Variants in PRIM2 observed in about 807,000 individuals in gnomAD.
PRIM2 encodes the protein DNA primase subunit 2, also known as DNA primase large subunit.
A neutral mutation model predicts 67.3 loss-of-function variants in PRIM2; 39 were observed. The ratio of observed to expected loss-of-function variants is 0.58; its 90% CI spans 0.45 to 0.76. The LOEUF is 0.76. Ranked by LOEUF, PRIM2 falls within the 30% of genes least tolerant of loss-of-function variation. PRIM2 has a pLI of 0.00. For synonymous variants in PRIM2, 143 were observed against 198.7 expected, an observed-to-expected ratio of 0.72 and a Z score of 2.36; for missense variants, 398 against 598.7, an observed-to-expected ratio of 0.66 and a Z score of 3.50.
chr6:57,314,604 T>G (rs1767445224), upstream of PRIM2, among the ~76,000 whole-genome samples: 4 of 152,172 alleles, frequency 2.6e-5, no homozygotes, highest in Non-Finnish European at 5.9e-5. Context: ...GGCACTGGGG[T>G]CACAGAAATG....
chr6:57,318,248 A>G (rs1232947586), intron 1 of PRIM2, among the ~76,000 whole-genome samples, 189 bp from the exon 2 acceptor site: 1 of 152,176 alleles, frequency 6.6e-6, no homozygotes, highest in Non-Finnish European at 1.5e-5. Context: ...AAATTATTAT[A>G]GGTGTATTGT....
At chr6:57,583,872 A>G (rs1281158901) in intron 10 of PRIM2, among the ~76,000 whole-genome samples, 5 of 152,298 alleles carry the variant, frequency 3.3e-5, no homozygotes, top group Non-Finnish European at 7.3e-5. Context: ...AACTGAAATA[A>G]CTATCCACTT....
chr6:57,519,466 A>G (rs1333032015), intron 8 of PRIM2, among the ~76,000 whole-genome samples: 2 of 152,216 alleles, frequency 1.3e-5, no homozygotes, highest in Non-Finnish European at 2.9e-5. Context: ...TTCCTTGCTG[A>G]GAAAAGGAAT....
chr6:57,535,612 C>T (rs1774987196), intron 9 of PRIM2, among the ~76,000 whole-genome samples: 1 of 152,126 alleles, frequency 6.6e-6, no homozygotes, highest in South Asian at 2.1e-4. Context: ...CATCTGCAAT[C>T]CTAGCACTTT....
chr6:57,321,124 G>A (rs1767641547), intron 3 of PRIM2, among the ~76,000 whole-genome samples: 1 of 152,138 alleles, frequency 6.6e-6, no homozygotes, highest in Non-Finnish European at 1.5e-5. Flanking sequence ...ATGAGAGTCT[G>A]AATTAAATGA....
At chr6:57,332,125 C>A (rs72870420) in intron 5 of PRIM2, among the ~76,000 whole-genome samples, 2 of 151,752 alleles carry the variant, frequency 1.3e-5, no homozygotes, top group African/African-American at 4.8e-5. Flanking sequence ...TCAAAGTATT[C>A]TTTTTTACTT....
chr6:57,328,880 G>T (rs1391172280), intron 5 of PRIM2, among the ~76,000 whole-genome samples: 1 of 152,174 alleles, frequency 6.6e-6, no homozygotes, highest in Non-Finnish European at 1.5e-5. Flanking sequence ...GTATGTAATT[G>T]TGGTTTTGAT....
chr6:57,402,970 A>G (rs1355029466), intron 7 of PRIM2, among the ~76,000 whole-genome samples: 10 of 152,208 alleles, frequency 6.6e-5, no homozygotes, highest in East Asian at 3.9e-4. Flanking sequence ...AGGGATATGA[A>G]ACATCTTCAT....
At chr6:57,539,871 G>A (rs1434485094) in intron 10 of PRIM2, among the ~76,000 whole-genome samples, 2 of 151,936 alleles carry the variant, frequency 1.3e-5, no homozygotes, top group Non-Finnish European at 2.9e-5. Flanking sequence ...GCAGGTGCCT[G>A]CAATCCCAGC....
chr6:57,310,602 C>T (rs1266900237), upstream of PRIM2, among the ~76,000 whole-genome samples: 2 of 151,892 alleles, frequency 1.3e-5, no homozygotes, highest in Non-Finnish European at 2.9e-5. Context: ...GATGGGGCGG[C>T]CGGGCAGAGG....
At chr6:57,534,956 C>T (rs1420413979) in intron 9 of PRIM2, among the ~76,000 whole-genome samples, 2 of 152,118 alleles carry the variant, frequency 1.3e-5, no homozygotes, top group African/African-American at 4.8e-5. Context: ...ATTTCATTTC[C>T]AGTGTTTTGG....
At chr6:57,478,711 C>T (rs1437892606) in intron 7 of PRIM2, among the ~76,000 whole-genome samples, 1 of 152,062 alleles carries the variant, frequency 6.6e-6, no homozygotes, top group African/African-American at 2.4e-5. Flanking sequence ...GACCTGCCAG[C>T]GTACTGTGTT....
chr6:57,610,820 A>G (rs1450040630), intron 12 of PRIM2, among the ~76,000 whole-genome samples: 1 of 152,194 alleles, frequency 6.6e-6, no homozygotes, highest in African/African-American at 2.4e-5. Flanking sequence ...AAAGTCAGGA[A>G]GGATATAGAA....
At chr6:57,535,365 C>T (rs1449753692) in intron 9 of PRIM2, among the ~76,000 whole-genome samples, 2 of 152,154 alleles carry the variant, frequency 1.3e-5, no homozygotes, top group African/African-American at 2.4e-5. Flanking sequence ...TTCCCAGGCT[C>T]CCTGTCACAG....
chr6:57,222,257 C>G, the PRIM2 span: 1 of 152,564 alleles, frequency 6.6e-6, no homozygotes, highest in Non-Finnish European at 1.5e-5. Context: ...GGTGGTGGGG[C>G]GCGGGAGTCT....
chr6:57,590,599 T>C (rs1776267167), intron 10 of PRIM2, among the ~76,000 whole-genome samples: 3 of 152,148 alleles, frequency 2.0e-5, no homozygotes. Context: ...GGTGATAAGA[T>C]ACCAAGGGTG....
intron 7 of PRIM2, among the ~76,000 whole-genome samples, chr6:57,437,012 G>C (rs886914705): frequency 6.6e-6 from 1 of 152,166 alleles, no homozygotes; most frequent in African/African-American, 2.4e-5. Context: ...GGTTTAATTG[G>C]CTCATGGTTC....
At chr6:57,549,849 G>A (rs1363984018) in intron 10 of PRIM2, among the ~76,000 whole-genome samples, 4 of 152,128 alleles carry the variant, frequency 2.6e-5, no homozygotes, top group South Asian at 2.1e-4. Context: ...ACTTTGGGAG[G>A]CCGAGGCGGG....
the PRIM2 span, among the ~76,000 whole-genome samples, chr6:57,229,788 C>A: frequency 6.6e-6 from 1 of 152,162 alleles, no homozygotes; most frequent in Non-Finnish European, 1.5e-5. Flanking sequence ...CTGTGCCTGG[C>A]CTGCATTGCT....
Sources: gnomAD v4.1 joint callset for allele counts (sites outside exome capture counted in the v4.1 genomes callset) on GRCh38, gnomAD v4.1.1 for gene constraint, MANE v1.5 for transcripts, NCBI Gene and HGNC (gene_info 2026-07-23, HGNC 2026-07-21) for gene names.